PCDHA4: variants seen among roughly 807,000 people sequenced by gnomAD.
PCDHA4 encodes protocadherin alpha 4.
PCDHA4 carries 49 observed loss-of-function variants against 61.4 expected under a neutral mutation model. The observed-to-expected ratio is 0.80, with a 90% CI of 0.63 to 1.01. The LOEUF (loss-of-function observed/expected upper bound fraction) is 1.01, where lower values mean the gene tolerates loss of function less well. PCDHA4 is among the 50% of genes least tolerant of loss of function. The pLI, the probability that PCDHA4 is intolerant of heterozygous loss-of-function variation, is 0.00. For synonymous variants in PCDHA4, 590 were observed against 550.3 expected, an observed-to-expected ratio of 1.07 and a Z score of -1.01; for missense variants, 1,254 against 1,235.8, an observed-to-expected ratio of 1.01 and a Z score of -0.22.
At chr5:140,902,176 C>T (rs1488205989) in intron 1 of PCDHA4, among the ~76,000 whole-genome samples, 1 of 146,420 alleles carries the variant, frequency 6.8e-6, no homozygotes, top group Non-Finnish European at 1.5e-5. Context: ...TTTGGATGTC[C>T]TTTATGTCTT....
At chr5:140,950,127 GAC>G (rs1554219301) in intron 1 of PCDHA4, among the ~76,000 whole-genome samples, 2 of 151,794 alleles carry the variant, frequency 1.3e-5, no homozygotes, top group Non-Finnish European at 2.9e-5. Context: ...AAACCCACAA[GAC>G]ACAGTTATAA....
intron 1 of PCDHA4, among the ~76,000 whole-genome samples, chr5:140,895,298 C>A (rs1208960325): frequency 6.6e-6 from 1 of 151,928 alleles, no homozygotes; most frequent in Non-Finnish European, 1.5e-5. Context: ...CCTTCGATTT[C>A]CCCCCTTCCA....
intron 3 of PCDHA4, among the ~76,000 whole-genome samples, chr5:140,993,585 G>T (rs2097574142): frequency 6.6e-6 from 1 of 151,526 alleles, no homozygotes; most frequent in Admixed American, 6.6e-5. Flanking sequence ...GCTTTTCTTG[G>T]CTTGGCTCCA....
chr5:140,954,652 T>C (rs541171307), intron 1 of PCDHA4, among the ~76,000 whole-genome samples: 24 of 152,356 alleles, frequency 1.6e-4, no homozygotes, highest in African/African-American at 5.8e-4. Flanking sequence ...TTTAAGTTCC[T>C]TGTAGACTCT....
intron 1 of PCDHA4, among the ~76,000 whole-genome samples, chr5:140,898,780 C>A (rs1424563314): frequency 3.9e-5 from 6 of 152,106 alleles, no homozygotes; most frequent in African/African-American, 1.2e-4. Flanking sequence ...TTACCTTGGG[C>A]AGTATGGCCA....
chr5:140,869,936 C>T (rs1554163630), intron 1 of PCDHA4: 1 of 1,611,844 alleles, frequency 6.2e-7, no homozygotes, highest in South Asian at 1.1e-5. Flanking sequence ...GGAGAGGTAA[C>T]ATACTCCTTA....
chr5:140,946,631 T>TATATAGATATATATATATATATATACAC (rs57893927), intron 1 of PCDHA4, among the ~76,000 whole-genome samples: 1 of 131,846 alleles, frequency 7.6e-6, no homozygotes, highest in African/African-American at 3.5e-5. Flanking sequence ...TATATATATA[T>TATATAGATATATATATATATATATACAC]ACAATGGAAT....
chr5:140,876,992 A>T (rs1222630901), intron 1 of PCDHA4: 1 of 1,612,438 alleles, frequency 6.2e-7, no homozygotes, highest in Non-Finnish European at 8.5e-7. Flanking sequence ...CTGTCGAGCT[A>T]CGTGTCGGTG....
At chr5:140,995,837 C>T (rs1554254841) in intron 3 of PCDHA4, among the ~76,000 whole-genome samples, 2 of 152,158 alleles carry the variant, frequency 1.3e-5, no homozygotes, top group Non-Finnish European at 2.9e-5. Context: ...TGCACAGTGC[C>T]TCACATTTCT....
At chr5:140,973,720 A>G (rs781883210) in intron 1 of PCDHA4, among the ~76,000 whole-genome samples, 1 of 152,194 alleles carries the variant, frequency 6.6e-6, no homozygotes, top group Non-Finnish European at 1.5e-5. Flanking sequence ...GAGCCATCAC[A>G]TGGGCATCTG....
chr5:140,979,306 C>T (rs1554240481), intron 2 of PCDHA4, among the ~76,000 whole-genome samples: 1 of 152,206 alleles, frequency 6.6e-6, no homozygotes, highest in African/African-American at 2.4e-5. Context: ...CTTCATCCCT[C>T]TCTACCTATG....
In PCDHA4 at chr5:140,927,920, T is replaced by C. The variant is rs782193396; in HGVS notation, c.2386-51029T>C. Reference sequence around the variant, plus strand: ...GATCATGCCCCCGAACTGGACTTCCTGACTCTTTCGAACCCAGTACCTGAG... The same window carrying C: ...GATCATGCCCCCGAACTGGACTTCCCGACTCTTTCGAACCCAGTACCTGAG... On this transcript the variant is annotated intron_variant, in intron 1 of 3. Transcript: ENST00000530339. 6.2e-6 allele frequency: 10 copies of C among 1,614,120 alleles called. No individual in the cohort carries two copies. In the South Asian group the frequency reaches 1.1e-4, roughly 18 times the overall value.
Position 140,874,848 on chromosome 5 carries a change from T to G in PCDHA4, c.2385+65276T>G, listed in dbSNP as rs143666233. ...GAAATATTGTTTGGTATTAGACATATTTTAGTTTCTTATCCTTTGTTAAAT... is the reference window on the plus strand; with the variant it reads ...GAAATATTGTTTGGTATTAGACATAGTTTAGTTTCTTATCCTTTGTTAAAT... On this transcript the variant is annotated intron_variant, in intron 1 of 3. Transcript: ENST00000530339. Among the ~76,000 whole-genome samples the G allele has an allele frequency of 6.0e-4, 92 of 152,344 alleles. 1 individual carries two copies. The East Asian group carries it at 0.017, about 27-fold the overall frequency.
At chr5:140,922,856 T>C (rs2081036799) in intron 1 of PCDHA4, among the ~76,000 whole-genome samples, 1 of 152,072 alleles carries the variant, frequency 6.6e-6, no homozygotes, top group Non-Finnish European at 1.5e-5. Context: ...ACCAAATACA[T>C]AGACAAGGGG....
intron 1 of PCDHA4, among the ~76,000 whole-genome samples, chr5:140,885,103 C>G (rs1336980793): frequency 6.6e-6 from 1 of 152,018 alleles, no homozygotes; most frequent in Non-Finnish European, 1.5e-5. Context: ...CACATAAATG[C>G]TTTTTTTAAG....
chr5:140,891,744 A>G (rs2063231419), intron 1 of PCDHA4, among the ~76,000 whole-genome samples: 1 of 152,070 alleles, frequency 6.6e-6, no homozygotes, highest in South Asian at 2.1e-4. Context: ...AATCCCTTAT[A>G]CAACAGTGTT....
At chr5:140,882,112 C>T (rs1399071152) in intron 1 of PCDHA4, 2 of 1,384,570 alleles carry the variant, frequency 1.4e-6, no homozygotes, top group Non-Finnish European at 1.9e-6. Flanking sequence ...CGAAGAAAGC[C>T]GCCGTTTCTT....
At chr5:140,875,878 A>C (rs782804026) in intron 1 of PCDHA4, 2 of 1,614,212 alleles carry the variant, frequency 1.2e-6, no homozygotes, top group East Asian at 4.5e-5. Context: ...GTTCAGAGAA[A>C]GGGAACAAAA....
intron 1 of PCDHA4, among the ~76,000 whole-genome samples, chr5:140,907,506 A>G (rs1418997042): frequency 2.6e-5 from 4 of 152,234 alleles, no homozygotes; most frequent in Non-Finnish European, 5.9e-5. Flanking sequence ...GTAAGTGTCT[A>G]TTCCAGTGAG....
Sources: gnomAD v4.1 joint callset for allele counts (sites outside exome capture counted in the v4.1 genomes callset) on GRCh38, gnomAD v4.1.1 for gene constraint, MANE v1.5 for transcripts, NCBI Gene and HGNC (gene_info 2026-07-23, HGNC 2026-07-21) for gene names.